Variants in IBSP observed in about 807,000 individuals in gnomAD.
The protein encoded by IBSP is integrin-binding sialoprotein.
In IBSP, 19 loss-of-function variants were observed where a neutral mutation model predicts 25.5. The ratio of observed to expected loss-of-function variants is 0.74; its 90% CI spans 0.52 to 1.09. The LOEUF is 1.09. Among genes scored for constraint, IBSP ranks in the 50% least tolerant of loss-of-function variants. The probability of loss-of-function intolerance (pLI) is 0.00; values close to 1 mark genes in which losing one functional copy is unlikely to be tolerated. For synonymous variants in IBSP, 144 were observed against 137.6 expected (o/e 1.05, Z -0.33); for missense variants, 360 against 382.3 (o/e 0.94, Z 0.49).
intron 5 of IBSP, among the ~76,000 whole-genome samples, chr4:87,808,311 A>G (rs1180465061): frequency 6.6e-6 from 1 of 151,856 alleles, no homozygotes; most frequent in African/African-American, 2.4e-5. Flanking sequence ...CCTCCCAAGT[A>G]GCTGGGACTA....
intron 5 of IBSP, among the ~76,000 whole-genome samples, chr4:87,809,841 T>TA (rs1722144041): frequency 6.6e-6 from 1 of 151,920 alleles, no homozygotes; most frequent in Non-Finnish European, 1.5e-5. Flanking sequence ...TCAACTCAAT[T>TA]AAAAAACAAT....
chr4:87,806,065 C>T, intron 4 of IBSP, 57 bp from the exon 5 acceptor site: 3 of 1,267,128 alleles, frequency 2.4e-6, no homozygotes, highest in South Asian at 1.3e-5. Context: ...ATTTAAATTG[C>T]TGTTGAATAT....
chr4:87,811,831 C>G lies in IBSP; in HGVS notation c.875C>G (p.Ala292Gly). 1 of 1,606,244 alleles carries G rather than the reference C, an allele frequency of 6.2e-7. No homozygotes were observed. The highest frequency in any genetic ancestry group is 8.5e-7 in the Non-Finnish European group (1 of 1,176,322). The change falls in exon 7 of 7, where the codon GCC becomes GGC. Residue 292 changes from alanine to glycine, a missense_variant. By Grantham distance (60) the Ala-to-Gly change is moderately conservative (BLOSUM62 0). Coordinates refer to ENST00000226284, the MANE Select transcript of IBSP (RefSeq NM_004967.4). ...GAACCTCGTGGGGACAATTACCGAG[C>G]CTATGAAGATGAGTACAGCTACTTT... ...NGEPRGDNYR[A>G]YEDEYSYFKG...
chr4:87,802,718 G>T lies in IBSP; in HGVS notation c.170G>T (p.Arg57Leu). Residue 57 changes from arginine to leucine, a missense_variant, in exon 4 of 7, where the codon CGA becomes CTA. Arg to Leu is a moderately radical substitution (Grantham distance 102). Coordinates refer to ENST00000226284, the MANE Select transcript of IBSP (RefSeq NM_004967.4). ...KHAYFYPHLK[R>L]FPVQGSSDSS... is the part of the protein sequence containing the mutation. ...GCCTACTTTTATCCTCATTTAAAAC[G>T]ATTTCCAGTTCAGGTAAATATAGAA... The T allele has an allele frequency of 6.5e-7, 1 of 1,542,652 alleles. No homozygotes were observed. The highest frequency in any genetic ancestry group is 1.4e-5 in the African/African-American group (1 of 71,522).
chr4:87,802,866 G>A (rs542677275), intron 4 of IBSP, 135 bp downstream of exon 4: 4 of 589,426 alleles, frequency 6.8e-6, no homozygotes, highest in African/African-American at 1.9e-5. Context: ...TAAGAAGTTT[G>A]TTTTTAGGGA....
At position 87,802,636 on chromosome 4, in the gene IBSP, T is replaced by C. The variant is rs1459471270; in HGVS notation, c.106-18T>C. ...TTGCATATTAAACATGAATATATCATTTATTTTGTTTTTGCAGGTCTTTAA... is the reference window on the plus strand; with the variant it reads ...TTGCATATTAAACATGAATATATCACTTATTTTGTTTTTGCAGGTCTTTAA... On this transcript the variant is annotated intron_variant, in intron 3 of 6. Transcript: ENST00000226284. 1 of 1,567,970 alleles carries C rather than the reference T, an allele frequency of 6.4e-7. No individual in the cohort carries two copies.
rs1442093638 is a variant in IBSP, at chr4:87,810,771, A to G, written c.405+7A>G. ...AATCCAGCTTCCCAAGAAGGTAACA[A>G]TGGAATTATTCCTCCAAAATGAAAT... On this transcript the variant is annotated splice_region_variant and intron_variant, in intron 6 of 6. Transcript: ENST00000226284. 6.2e-7 allele frequency: 1 copy of G among 1,603,540 alleles called. No individual in the cohort carries two copies. The highest frequency in any genetic ancestry group is 1.1e-5 in the South Asian group (1 of 88,322).
At chr4:87,802,035 G>A (rs914958239) in intron 1 of IBSP, among the ~76,000 whole-genome samples, 3 of 152,102 alleles carry the variant, frequency 2.0e-5, no homozygotes, top group African/African-American at 7.2e-5. Context: ...GGGCCATTAC[G>A]CCAGTGTGAA....
Position 87,801,521 on chromosome 4 carries a change from T to TAC in IBSP, c.-14-812_-14-811dup, listed in dbSNP as rs1162087592. Among the ~76,000 whole-genome samples the TAC allele has an allele frequency of 9.9e-4, 146 of 147,476 alleles. 1 individual carries two copies. The highest frequency in any genetic ancestry group is 2.4e-3 in the African/African-American group (98 of 40,314). Reference sequence around the variant, plus strand: ...ACACACACACACACACACACGCATATACACACACACACACACCAATTATTC... The same window carrying TAC: ...ACACACACACACACACACACGCATATACACACACACACACACACCAATTATTC... On this transcript the variant is annotated intron_variant, in intron 1 of 6. Transcript: ENST00000226284.
chr4:87,811,219 C>CA, intron 6 of IBSP, 143 bp from the exon 7 acceptor site: 6 of 901,248 alleles, frequency 6.7e-6, no homozygotes, highest in Non-Finnish European at 8.2e-6. Flanking sequence ...TTAAAGCCCC[C>CA]AATCATTTTG....
At chr4:87,800,699 A>C (rs999413685) in intron 1 of IBSP, among the ~76,000 whole-genome samples, 9 of 152,178 alleles carry the variant, frequency 5.9e-5, no homozygotes, top group Admixed American at 2.0e-4. Flanking sequence ...CTGACACACA[A>C]AAAGAGTGTG....
chr4:87,801,862 C>T (rs893661256), intron 1 of IBSP, among the ~76,000 whole-genome samples: 11 of 152,098 alleles, frequency 7.2e-5, no homozygotes, highest in Non-Finnish European at 1.5e-4. Context: ...ATCTCAAACT[C>T]TTGGACTCAA....
intron 3 of IBSP, 44 bp downstream of exon 3, chr4:87,802,602 G>A: frequency 3.2e-6 from 5 of 1,572,176 alleles, no homozygotes; most frequent in Non-Finnish European, 4.3e-6. Flanking sequence ...TATACTTGCT[G>A]TATATTTATT....
chr4:87,808,927 C>T (rs1217240915), intron 5 of IBSP, among the ~76,000 whole-genome samples: 3 of 152,164 alleles, frequency 2.0e-5, no homozygotes, highest in Non-Finnish European at 2.9e-5. Context: ...TTCTGGTGAA[C>T]ATATACATAT....
chr4:87,804,312 G>T (rs554724998), intron 4 of IBSP, among the ~76,000 whole-genome samples: 1 of 152,178 alleles, frequency 6.6e-6, no homozygotes, highest in African/African-American at 2.4e-5. Context: ...TATTGGCTTT[G>T]AAATTCATGT....
chr4:87,805,202 T>C (rs989768836), intron 4 of IBSP, among the ~76,000 whole-genome samples: 2 of 152,212 alleles, frequency 1.3e-5, no homozygotes, highest in African/African-American at 4.8e-5. Context: ...TCTGCAGCTA[T>C]ATTTTCTAAA....
chr4:87,801,512 ACACG>A (rs1400991383), intron 1 of IBSP, among the ~76,000 whole-genome samples: 42 of 88,028 alleles, frequency 4.8e-4, no homozygotes, highest in African/African-American at 1.1e-3. Flanking sequence ...ACACACACAC[ACACG>A]CATATACACA....
intron 4 of IBSP, among the ~76,000 whole-genome samples, chr4:87,805,506 C>G (rs1411007404): frequency 6.6e-6 from 1 of 152,006 alleles, no homozygotes; most frequent in Non-Finnish European, 1.5e-5. Context: ...TTTAAAGATA[C>G]TAAAAATTAT....
chr4:87,800,103 G>C (rs1329992626), intron 1 of IBSP, among the ~76,000 whole-genome samples: 3 of 152,074 alleles, frequency 2.0e-5, no homozygotes, highest in Non-Finnish European at 4.4e-5. Flanking sequence ...AAAATATATT[G>C]TACTAACTAG....
Sources: gnomAD v4.1 joint callset for allele counts (sites outside exome capture counted in the v4.1 genomes callset) on GRCh38, gnomAD v4.1.1 for gene constraint, MANE v1.5 for transcripts, NCBI Gene and HGNC (gene_info 2026-07-23, HGNC 2026-07-21) for gene names.